SOX5: variants seen among roughly 807,000 people sequenced by gnomAD.
The protein encoded by SOX5 is SRY-box transcription factor 5.
A neutral mutation model predicts 92.0 loss-of-function variants in SOX5; 9 were observed. The observed-to-expected ratio is 0.10, with a 90% CI of 0.06 to 0.17. SOX5 has a LOEUF of 0.17. Among genes scored for constraint, SOX5 ranks in the 10% least tolerant of loss-of-function variants. The probability of loss-of-function intolerance (pLI) is 1.00; values close to 1 mark genes in which losing one functional copy is unlikely to be tolerated. For missense variants in SOX5, 642 were observed against 944.5 expected (o/e 0.68, Z 4.20); for synonymous variants, 344 against 336.3 (o/e 1.02, Z -0.25).
At chr12:23,859,804 G>T (rs541507163) in intron 2 of SOX5, among the ~76,000 whole-genome samples, 154 of 152,110 alleles carry the variant, frequency 1.0e-3, no homozygotes, top group African/African-American at 3.5e-3. Context: ...TTCTCAGACC[G>T]GCCGACACTT....
chr12:24,402,402 TAAGAGAAATATTGGTAC>T (rs1180061142), intron 1 of SOX5, among the ~76,000 whole-genome samples: 1 of 152,212 alleles, frequency 6.6e-6, no homozygotes, highest in Non-Finnish European at 1.5e-5. Flanking sequence ...TTAATGGTCT[TAAGAGAAATATTGGTAC>T]AATCCTGTTC....
chr12:23,906,875 G>A (rs185262048), intron 1 of SOX5, among the ~76,000 whole-genome samples: 122 of 151,534 alleles, frequency 8.1e-4, no homozygotes, highest in Non-Finnish European at 1.5e-3. Context: ...AAGCCTTTTG[G>A]ATTTTTCTGA....
In SOX5 at chr12:24,362,865, T is replaced by A. The variant is rs977661525; in HGVS notation, c.-174+5698A>T. Among the ~76,000 whole-genome samples the A allele has an allele frequency of 1.2e-3, 78 of 66,558 alleles. 1 individual carries two copies. Among genetic ancestry groups the A allele is most frequent in the African/African-American group, 3.9e-3 (68 of 17,524 alleles). The allele number at this position is 66,558 out of a possible 152,430, so 43.7% of individuals were successfully genotyped here. ...ATCACAGTGGGCTAAGAAACCACAG[T>A]GAAAAAAAAAAAAAAAAAAGGAGGG... On this transcript the variant is annotated intron_variant, in intron 2 of 4. Coordinates refer to the SOX5 transcript ENST00000446891.
intron 9 of SOX5, among the ~76,000 whole-genome samples, chr12:23,596,292 TA>T (rs563739171): frequency 2.0e-5 from 3 of 152,224 alleles, no homozygotes; most frequent in Non-Finnish European, 2.9e-5. Flanking sequence ...TTATTTTCTC[TA>T]GTGGAAAATC....
intron 1 of SOX5, among the ~76,000 whole-genome samples, chr12:24,526,072 T>C (rs1950684330): frequency 6.6e-6 from 1 of 151,740 alleles, no homozygotes; most frequent in South Asian, 2.1e-4. Context: ...GATTTTGCCA[T>C]GTTACCCAGG....
At chr12:23,957,829 AC>A (rs1470561015) in intron 4 of SOX5, among the ~76,000 whole-genome samples, 1 of 152,158 alleles carries the variant, frequency 6.6e-6, no homozygotes, top group Non-Finnish European at 1.5e-5. Context: ...TTAAATTTAT[AC>A]CCGTATTTTA....
intron 4 of SOX5, among the ~76,000 whole-genome samples, chr12:23,977,526 G>A (rs1009084845): frequency 8.5e-5 from 13 of 152,076 alleles, no homozygotes; most frequent in South Asian, 2.1e-4. Context: ...AGCCGGGACC[G>A]GTGGTGCATG....
chr12:24,331,813 A>C (rs989134707), intron 2 of SOX5, among the ~76,000 whole-genome samples: 11 of 131,374 alleles, frequency 8.4e-5, no homozygotes, highest in Non-Finnish European at 1.7e-4. Context: ...ATGCCACTGC[A>C]CTCCAACCAG....
chr12:23,558,932 G>A (rs555072356), intron 11 of SOX5, among the ~76,000 whole-genome samples: 8 of 152,178 alleles, frequency 5.3e-5, no homozygotes, highest in Non-Finnish European at 1.2e-4. Flanking sequence ...ACTACATTCA[G>A]GTTTCCTGAT....
intron 1 of SOX5, among the ~76,000 whole-genome samples, chr12:24,461,658 A>G (rs992645591): frequency 6.6e-6 from 1 of 152,286 alleles, no homozygotes; most frequent in Non-Finnish European, 1.5e-5. Context: ...TATTATGTCT[A>G]GTAATTTTTC....
intron 2 of SOX5, among the ~76,000 whole-genome samples, chr12:24,335,556 C>G (rs1951791161): frequency 1.3e-5 from 2 of 152,064 alleles, no homozygotes; most frequent in South Asian, 4.1e-4. Flanking sequence ...GCATGTGAGA[C>G]AAAGAAATTT....
At chr12:23,802,536 T>G (rs998421355) in intron 3 of SOX5, among the ~76,000 whole-genome samples, 1 of 152,122 alleles carries the variant, frequency 6.6e-6, no homozygotes, top group Non-Finnish European at 1.5e-5. Context: ...ATCCCAAAAT[T>G]TGACACATTT....
upstream of SOX5, among the ~76,000 whole-genome samples, chr12:23,950,604 G>A (rs544576469): frequency 2.0e-5 from 3 of 152,188 alleles, no homozygotes; most frequent in African/African-American, 7.2e-5. Context: ...CTAACAAACT[G>A]TCCTGTTTGG....
chr12:24,163,412 G>A (rs566823310), intron 4 of SOX5, among the ~76,000 whole-genome samples: 1 of 152,040 alleles, frequency 6.6e-6, no homozygotes, highest in African/African-American at 2.4e-5. Flanking sequence ...AGACCTATTT[G>A]AAGATACTGT....
chr12:23,581,186 T>A (rs988985580), intron 9 of SOX5, among the ~76,000 whole-genome samples: 1 of 152,010 alleles, frequency 6.6e-6, no homozygotes, highest in Admixed American at 6.6e-5. Context: ...GCTTTTCAAG[T>A]CTTTGTTAAG....
In SOX5 at chr12:23,534,396, C is replaced by T. The variant is rs1939744745; in HGVS notation, c.2115G>A (p.Gly705=). Reference sequence around the variant, plus strand: ...CGTAAGTGCTCTGGATAACAGGCATCCCAGGCTCTGGGCTGCTAGACACGC... The same window carrying T: ...CGTAAGTGCTCTGGATAACAGGCATTCCAGGCTCTGGGCTGCTAGACACGC... ...HSSVSSSPEP[G]MPVIQSTYGV... The change falls in exon 15 of 15, where the codon GGG becomes GGA. Residue 705 remains glycine, a synonymous_variant. Transcript: ENST00000451604. The T allele has an allele frequency of 3.1e-6, 5 of 1,613,992 alleles. No homozygotes were observed. Among genetic ancestry groups the T allele is most frequent in the Non-Finnish European group, 3.4e-6 (4 of 1,180,028 alleles).
At chr12:23,765,235 T>A (rs1226914012) in intron 3 of SOX5, among the ~76,000 whole-genome samples, 1 of 151,638 alleles carries the variant, frequency 6.6e-6, no homozygotes, top group African/African-American at 2.4e-5. Context: ...TTTTTGTCAT[T>A]CTCAGAGCAA....
intron 3 of SOX5, among the ~76,000 whole-genome samples, chr12:23,825,473 C>G (rs138639428): frequency 6.6e-6 from 1 of 152,336 alleles, no homozygotes; most frequent in African/African-American, 2.4e-5. Flanking sequence ...CACCCACCTT[C>G]TGCGTTGGTC....
At chr12:23,811,720 T>C (rs189662221) in intron 3 of SOX5, among the ~76,000 whole-genome samples, 117 of 152,220 alleles carry the variant, frequency 7.7e-4, no homozygotes, top group African/African-American at 2.5e-3. Context: ...ATTTAAAATG[T>C]TGATGAATGG....
Sources: allele counts gnomAD v4.1 joint callset (sites outside exome capture counted in the v4.1 genomes callset), GRCh38; gene constraint gnomAD v4.1.1; transcripts MANE v1.5; gene names NCBI Gene and HGNC (gene_info 2026-07-23, HGNC 2026-07-21).